The following DNAH5 variants were observed in gnomAD, a reference collection of about 807,000 sequenced individuals.
DNAH5 encodes dynein axonemal heavy chain 5.
In DNAH5, 372 loss-of-function variants were observed where a neutral mutation model predicts 518.2. The ratio of observed to expected loss-of-function variants is 0.72; its 90% CI spans 0.66 to 0.78. The LOEUF is 0.78. DNAH5 is among the 30% of genes least tolerant of loss of function. DNAH5 has a pLI of 0.00. For synonymous variants in DNAH5, 2,039 were observed against 2,025.9 expected (o/e 1.01, Z -0.17); for missense variants, 5,523 against 5,687.0 (o/e 0.97, Z 0.93).
At position 13,830,074 on chromosome 5, in the gene DNAH5, A is replaced by G. The variant is rs2151836398; in HGVS notation, c.6201T>C (p.Asp2067=). 6.2e-7 allele frequency: 1 copy of G among 1,614,116 alleles called. No homozygotes were observed. The highest frequency in any genetic ancestry group is 8.5e-7 in the Non-Finnish European group (1 of 1,179,978). ...KEHKKSFIFT[D]GDNVTMNPEF... ...CAGGGTTCATAGTCACATTATCTCC[A>G]TCAGTAAAGATAAAAGACTTTTTGT... The change falls in exon 37 of 79, where the codon GAT becomes GAC. Residue 2067 remains aspartate (D), a synonymous_variant. Transcript: ENST00000265104.
chr5:13,905,484 C>CT (rs1280777799), intron 12 of DNAH5, among the ~76,000 whole-genome samples: 3 of 152,054 alleles, frequency 2.0e-5, no homozygotes, highest in African/African-American at 7.2e-5. Flanking sequence ...AAATAAATTT[C>CT]TTTTTTTTAT....
chr5:13,740,169 A>T (rs933370030), intron 65 of DNAH5, among the ~76,000 whole-genome samples: 8 of 152,138 alleles, frequency 5.3e-5, no homozygotes, highest in Admixed American at 5.2e-4. Context: ...CTCCACTTCA[A>T]AATGAGATTC....
Position 13,859,563 on chromosome 5 carries a change from C to A in DNAH5, c.4839G>T (p.Gln1613His), listed in dbSNP as rs771922608. The stretch of plus-strand genomic sequence containing the variant: ...TGATGTCTGTTGAGTTGGAAAGGTA[C>A]TGCACCCATTTTTGAATCTGGGCTT... ...PFKAQIQKWV[Q>H]YLSNSTDIIE... The change falls in exon 30 of 79, where the codon CAG becomes CAT. Residue 1613 changes from glutamine (Q) to histidine (H), a missense_variant. Physicochemically the swap from Gln to His is conservative, Grantham distance 24. This residue lies in a region of DNAH5 where 5,121 missense variants were observed against 5,223.3 expected (regional missense o/e 0.98). Coordinates refer to ENST00000265104, the MANE Select transcript of DNAH5 (RefSeq NM_001369.3). 1 of 1,614,078 alleles carries A rather than the reference C, an allele frequency of 6.2e-7. No homozygotes were observed. Among genetic ancestry groups the A allele is most frequent in the South Asian group, 1.1e-5 (1 of 91,074 alleles).
intron 31 of DNAH5, among the ~76,000 whole-genome samples, chr5:13,849,078 G>A (rs1766458404): frequency 6.6e-6 from 1 of 152,214 alleles, no homozygotes; most frequent in African/African-American, 2.4e-5. Flanking sequence ...TATACTTTAA[G>A]TTTTAGGGTA....
chr5:13,925,486 G>C (rs995495017), intron 3 of DNAH5, among the ~76,000 whole-genome samples: 1 of 152,174 alleles, frequency 6.6e-6, no homozygotes, highest in Admixed American at 6.5e-5. Flanking sequence ...AAAGAGGTTT[G>C]ATTGGCCTTA....
chr5:13,882,725 T>C lies in DNAH5; in HGVS notation c.3262+3A>G. The C allele has an allele frequency of 6.2e-7, 1 of 1,607,986 alleles. No homozygotes were observed. The highest frequency in any genetic ancestry group is 8.5e-7 in the Non-Finnish European group (1 of 1,174,594). On this transcript the variant is annotated splice_donor_region_variant and intron_variant, in intron 21 of 78. Transcript: ENST00000265104. ...TCTTTTAAAAGACTAAAAGAACATT[T>C]ACCTTGAAGTTCATTTTCTCCCATT... is the stretch of plus-strand genomic sequence containing the variant.
chr5:13,791,248 C>T (rs1756942896), intron 50 of DNAH5, among the ~76,000 whole-genome samples: 2 of 152,068 alleles, frequency 1.3e-5, no homozygotes, highest in South Asian at 2.1e-4. Flanking sequence ...GGAGAAGTCC[C>T]CTAAAACCCA....
Position 13,786,096 on chromosome 5 carries a change from GA to G in DNAH5, c.8820+82del, listed in dbSNP as rs1202453138. On this transcript the variant is annotated intron_variant, in intron 52 of 78. Coordinates refer to ENST00000265104, the MANE Select transcript of DNAH5 (RefSeq NM_001369.3). ...TAAACTGAAGATTCTCCTAGGAAAT[GA>G]AAATAAGAGAGGGAGAGGACCATGG... 5 of 1,367,362 alleles carry G rather than the reference GA, an allele frequency of 3.7e-6. No homozygotes were observed. The East Asian group carries it at 9.2e-5, about 25-fold the overall frequency. 84.7% of individuals were successfully genotyped at this position (1,367,362 alleles called of 1,614,324 possible). A position where few individuals can be genotyped will look rare whatever the true frequency, so the allele number is the denominator to read the frequency against.
intron 27 of DNAH5, among the ~76,000 whole-genome samples, 155 bp from the exon 28 acceptor site, chr5:13,864,792 T>A (rs1768982213): frequency 6.6e-6 from 1 of 152,192 alleles, no homozygotes; most frequent in Non-Finnish European, 1.5e-5. Context: ...TCATATAATA[T>A]ACAGATGACT....
rs1447569329 is a variant in DNAH5 at position 13,752,118 on chromosome 5, C to G, written c.11028+16G>C. ...GGTAATTGTTCTGCACATTGTCATC[C>G]ATAGGTTTAACCTACCTTAAAGGTA... On this transcript the variant is annotated intron_variant, in intron 64 of 78. Coordinates refer to ENST00000265104, the MANE Select transcript of DNAH5 (RefSeq NM_001369.3). The G allele has an allele frequency of 6.2e-7, 1 of 1,613,456 alleles. No homozygotes were observed. Among genetic ancestry groups the G allele is most frequent in the South Asian group, 1.1e-5 (1 of 91,040 alleles).
At chr5:14,000,713 C>A (rs1404145651) in intron 1 of DNAH5, among the ~76,000 whole-genome samples, 1 of 152,030 alleles carries the variant, frequency 6.6e-6, no homozygotes, top group Non-Finnish European at 1.5e-5. Flanking sequence ...ATTAGGCCAG[C>A]CACTGTGGAA....
intron 74 of DNAH5, among the ~76,000 whole-genome samples, chr5:13,714,911 C>G (rs1289952541): frequency 2.0e-5 from 3 of 152,108 alleles, no homozygotes; most frequent in East Asian, 3.9e-4. Flanking sequence ...AGAAAGGGAG[C>G]TGTGGATTGG....
intron 30 of DNAH5, among the ~76,000 whole-genome samples, chr5:13,857,474 G>T (rs1767788661): frequency 6.6e-6 from 1 of 152,104 alleles, no homozygotes; most frequent in South Asian, 2.1e-4. Context: ...TTCCCATCAA[G>T]CTACCATTGA....
intron 16 of DNAH5, among the ~76,000 whole-genome samples, chr5:13,894,406 T>C (rs955150019): frequency 4.6e-5 from 7 of 152,124 alleles, no homozygotes; most frequent in Admixed American, 2.6e-4. Flanking sequence ...AATCCTAATG[T>C]CCAAAAATAC....
intron 70 of DNAH5, among the ~76,000 whole-genome samples, chr5:13,721,602 T>C (rs1335886636): frequency 6.6e-6 from 1 of 152,226 alleles, no homozygotes; most frequent in Non-Finnish European, 1.5e-5. Flanking sequence ...TGCATTTAAA[T>C]AATCAAGTAA....
intron 1 of DNAH5, among the ~76,000 whole-genome samples, chr5:13,985,250 G>T (rs1197084517): frequency 7.0e-6 from 1 of 143,606 alleles, no homozygotes; most frequent in Non-Finnish European, 1.5e-5. Flanking sequence ...GACACAGGAA[G>T]GGGAACATCA....
At chr5:13,809,212 T>C (rs1760192592) in intron 45 of DNAH5, 26 bp from the exon 46 acceptor site, 2 of 1,613,554 alleles carry the variant, frequency 1.2e-6, no homozygotes, top group African/African-American at 1.3e-5. Flanking sequence ...GACATTTCCA[T>C]CTCCATATTA....
At chr5:13,786,476 T>C (rs1297761198) in intron 51 of DNAH5, 125 bp from the exon 52 acceptor site, 5 of 1,018,128 alleles carry the variant, frequency 4.9e-6, no homozygotes, top group African/African-American at 3.2e-5. Context: ...CTAAATGCCA[T>C]AGTGTGTATT....
intron 1 of DNAH5, among the ~76,000 whole-genome samples, chr5:13,989,283 A>C (rs10038542): frequency 0.29 from 44,564 of 151,918 alleles, 6,839 homozygotes; most frequent in East Asian, 0.61. Context: ...CCATAAAATC[A>C]TTTACTGGAG....
Sources: allele counts gnomAD v4.1 joint callset (sites outside exome capture counted in the v4.1 genomes callset), GRCh38; gene constraint gnomAD v4.1.1; regional missense constraint gnomAD v4.1.1; transcripts MANE v1.5; gene names NCBI Gene and HGNC (gene_info 2026-07-23, HGNC 2026-07-21).